MINK1: variants seen among roughly 807,000 people sequenced by gnomAD.
MINK1 encodes the protein misshapen-like kinase 1.
Under a neutral mutation model 178.4 loss-of-function variants are expected in MINK1, and 46 were observed. That is an observed-to-expected ratio of 0.26 (90% confidence interval 0.20 to 0.33). The LOEUF is 0.33. MINK1 is among the 10% of genes least tolerant of loss of function. MINK1 has a pLI of 1.00. For missense variants in MINK1, 1,366 were observed against 1,814.9 expected, an observed-to-expected ratio of 0.75 and a Z score of 4.49; for synonymous variants, 797 against 709.7, an observed-to-expected ratio of 1.12 and a Z score of -1.96.
At chr17:4,884,180 G>T (rs552862878) in intron 4 of MINK1, among the ~76,000 whole-genome samples, 183 bp from the exon 5 acceptor site, 1 of 152,068 alleles carries the variant, frequency 6.6e-6, no homozygotes, top group African/African-American at 2.4e-5. Flanking sequence ...TTCCCTCTCT[G>T]TCTTGACTTG....
Position 4,896,136 on chromosome 17 carries a change from G to A in MINK1, c.3465+33G>A, listed in dbSNP as rs1428170864. 1 of 1,606,336 alleles carries A rather than the reference G, an allele frequency of 6.2e-7. No homozygotes were observed. The highest frequency in any genetic ancestry group is 2.2e-5 in the East Asian group (1 of 44,634). On this transcript the variant is annotated intron_variant, in intron 28 of 31. Coordinates refer to ENST00000355280, the MANE Select transcript of MINK1 (RefSeq NM_153827.5). The surrounding 1 kb of genome is among the most constrained non-coding windows in gnomAD (Gnocchi z 4.6). ...CAGCCTCGGTCCCTAACACCATCTG[G>A]AGTCCCAGCGCCTCTCCCCGTGCCC... is the stretch of plus-strand genomic sequence containing the variant.
chr17:4,878,298 T>G lies in MINK1; in HGVS notation c.58-19T>G. 6.5e-7 allele frequency: 1 copy of G among 1,535,800 alleles called. No individual in the cohort carries two copies. The highest frequency in any genetic ancestry group is 8.7e-7 in the Non-Finnish European group (1 of 1,145,712). On this transcript the variant is annotated intron_variant, in intron 1 of 31. Coordinates refer to ENST00000355280, the MANE Select transcript of MINK1 (RefSeq NM_153827.5). ...TTTCTAAAGTCTTGACACAGTATTCTTCTGTCTCCTGCCCCTAGGACCCTG... is the reference window on the plus strand; with the variant it reads ...TTTCTAAAGTCTTGACACAGTATTCGTCTGTCTCCTGCCCCTAGGACCCTG...
rs12165037 is a variant in MINK1, at chr17:4,889,524, G to A, written c.1231-123G>A. 2.6e-3 allele frequency: 2,200 copies of A among 853,690 alleles called. 32 individuals carry two copies. In the African/African-American group the frequency reaches 0.03, roughly 12 times the overall value. 52.9% of individuals were successfully genotyped at this position (853,690 alleles called of 1,614,324 possible). A position where few individuals can be genotyped will look rare whatever the true frequency, so the allele number is the denominator to read the frequency against. ...GATGGGTATAGTTGCAGAAACAAGC[G>A]GAAGCCGGTCTCTCTTACCACCCTC... On this transcript the variant is annotated intron_variant, in intron 12 of 31. Transcript: ENST00000355280.
chr17:4,863,642 T>C (rs8070572), intron 1 of MINK1, among the ~76,000 whole-genome samples: 11,320 of 152,214 alleles, frequency 0.074, 466 homozygotes, highest in Non-Finnish European at 0.094. Context: ...GGCAAGTGTT[T>C]AATTGTTGTA....
chr17:4,871,002 C>A, intron 1 of MINK1: 1 of 280,212 alleles, frequency 3.6e-6, no homozygotes, highest in Non-Finnish European at 7.8e-6. Flanking sequence ...CCCCTGGCAA[C>A]CACTAATCTA....
chr17:4,891,379 C>G (rs1004386492), intron 15 of MINK1, 77 bp from the exon 16 acceptor site: 24 of 1,487,172 alleles, frequency 1.6e-5, no homozygotes, highest in Non-Finnish European at 2.0e-5. Flanking sequence ...AAAGTCCTTT[C>G]CCACCCCAGA....
At chr17:4,865,801 A>G (rs540898969) in intron 1 of MINK1, among the ~76,000 whole-genome samples, 2 of 151,334 alleles carry the variant, frequency 1.3e-5, no homozygotes, top group South Asian at 4.2e-4. Flanking sequence ...AGGCTAGGGC[A>G]GGAGGATCAC....
chr17:4,879,667 T>A (rs1214436488), intron 2 of MINK1, among the ~76,000 whole-genome samples: 1 of 152,206 alleles, frequency 6.6e-6, no homozygotes, highest in South Asian at 2.1e-4. Flanking sequence ...CTCCAAGCCT[T>A]AGATGCTCCC....
Position 4,896,386 on chromosome 17 carries a change from G to A in MINK1, c.3616-43G>A, listed in dbSNP as rs373769437. 4.3e-5 allele frequency: 69 copies of A among 1,608,374 alleles called. No homozygotes were observed. Among genetic ancestry groups the A allele is most frequent in the Non-Finnish European group, 5.4e-5 (64 of 1,176,582 alleles). On this transcript the variant is annotated intron_variant, in intron 29 of 31. Coordinates refer to ENST00000355280, the MANE Select transcript of MINK1 (RefSeq NM_153827.5). The surrounding 1 kb of genome is among the most constrained non-coding windows in gnomAD (Gnocchi z 4.6). ...CTGGGGGAGTGGGATGGCCCAGTCT[G>A]GGCACCAGACACGGAGACTCTAGTC...
chr17:4,849,143 A>G lies in MINK1; in HGVS notation c.57+15503A>G, dbSNP rs1190712778. On this transcript the variant is annotated intron_variant, in intron 1 of 31. Transcript: ENST00000355280. ...CCCTTTCCCAGTCCTAGAGCCTCCT[A>G]CCATCTCCTGAAAGTCTTCCAGCGT... Among the ~76,000 whole-genome samples, 7 of 152,246 alleles carry G rather than the reference A, an allele frequency of 4.6e-5. No homozygotes were observed. The Middle Eastern group carries it at 0.014, about 296-fold the overall frequency.
intron 1 of MINK1, among the ~76,000 whole-genome samples, chr17:4,849,243 G>A (rs938341683): frequency 1.3e-5 from 2 of 152,102 alleles, no homozygotes; most frequent in Non-Finnish European, 2.9e-5. Flanking sequence ...CAGGAATTCC[G>A]GCAATCACTG....
chr17:4,875,474 T>A (rs915733356), intron 1 of MINK1: 2 of 453,524 alleles, frequency 4.4e-6, no homozygotes, highest in African/African-American at 2.0e-5. Flanking sequence ...GATCTGACTC[T>A]AAAAAAACAA....
Position 4,892,829 on chromosome 17 carries a change from G to A in MINK1, c.2311+61G>A, listed in dbSNP as rs1040526133. Reference sequence around the variant, plus strand: ...CTGGGGGCTTATCACCATGGACCCTGCCTTTGGTGGCTTTGGACTGGGGCA... The same window carrying A: ...CTGGGGGCTTATCACCATGGACCCTACCTTTGGTGGCTTTGGACTGGGGCA... On this transcript the variant is annotated intron_variant, in intron 19 of 31. Coordinates refer to ENST00000355280, the MANE Select transcript of MINK1 (RefSeq NM_153827.5). The A allele has an allele frequency of 1.3e-4, 198 of 1,488,982 alleles. 3 individuals carry two copies. In the Middle Eastern group the frequency reaches 2.6e-3, roughly 20 times the overall value. 92.2% of individuals were successfully genotyped at this position (1,488,982 alleles called of 1,614,324 possible).
intron 1 of MINK1, chr17:4,851,157 C>A: frequency 2.6e-6 from 1 of 390,172 alleles, no homozygotes; most frequent in Non-Finnish European, 5.3e-6. Context: ...CTTTTTGCCA[C>A]AGTTTTGCCT....
chr17:4,891,837 G>A, intron 16 of MINK1, 121 bp downstream of exon 16: 1 of 1,369,868 alleles, frequency 7.3e-7, no homozygotes. Context: ...GAAAGCCAGG[G>A]CGCTGCCCTG....
intron 14 of MINK1, 36 bp from the exon 15 acceptor site, chr17:4,890,915 A>G (rs1968720336): frequency 1.3e-6 from 2 of 1,551,536 alleles, no homozygotes; most frequent in Non-Finnish European, 1.7e-6. Context: ...ACAGGGAGGC[A>G]AGAGCTGGCC....
intron 1 of MINK1, among the ~76,000 whole-genome samples, chr17:4,853,542 C>T (rs1912555628): frequency 1.3e-5 from 2 of 151,868 alleles, no homozygotes; most frequent in Non-Finnish European, 2.9e-5. Flanking sequence ...GCTTGCTTCA[C>T]CTTGACAAAC....
chr17:4,870,268 C>T (rs1430958326), intron 1 of MINK1, among the ~76,000 whole-genome samples: 1 of 117,732 alleles, frequency 8.5e-6, no homozygotes. Context: ...GGAGTGGTTT[C>T]ACTATGTTGC....
chr17:4,897,702 G>GGGGGGGTCACTGGGCCCTAGATTTTT lies in MINK1; in HGVS notation c.*426_*451dup, dbSNP rs1287250779. ...CCCCCCTTGAATGTACCAGACCCTGGGGGGGGTCACTGGGCCCTAGATTTT... is the reference window on the plus strand; with the variant it reads ...CCCCCCTTGAATGTACCAGACCCTGGGGGGGGTCACTGGGCCCTAGATTTTTGGGGGGTCACTGGGCCCTAGATTTT... On this transcript the variant is annotated 3_prime_UTR_variant, in exon 32 of 32. Transcript: ENST00000355280. The GGGGGGGTCACTGGGCCCTAGATTTTT allele has an allele frequency of 2.5e-5, 4 of 157,288 alleles. No homozygotes were observed. The highest frequency in any genetic ancestry group is 4.8e-5 in the African/African-American group (2 of 41,590). 9.7% of individuals were successfully genotyped at this position (157,288 alleles called of 1,614,324 possible).
Sources: allele counts gnomAD v4.1 joint callset (sites outside exome capture counted in the v4.1 genomes callset), GRCh38; gene constraint gnomAD v4.1.1; non-coding constraint Gnocchi (gnomAD v3.1); transcripts MANE v1.5; gene names NCBI Gene and HGNC (gene_info 2026-07-23, HGNC 2026-07-21).